Variants in FAM167A observed in about 807,000 individuals in gnomAD.
FAM167A encodes family with sequence similarity 167 member A, also known as protein FAM167A.
A neutral mutation model predicts 14.9 loss-of-function variants in FAM167A; 23 were observed. That is an observed-to-expected ratio of 1.55 (90% CI 1.11 to 2.19). The LOEUF (loss-of-function observed/expected upper bound fraction) is 2.19. FAM167A is among the 30% of genes most tolerant of loss of function. The probability of loss-of-function intolerance (pLI) is 0.00; values close to 1 mark genes in which losing one functional copy is unlikely to be tolerated. For synonymous variants in FAM167A, 174 were observed against 117.7 expected (o/e 1.48, Z -3.10); for missense variants, 401 against 281.5 (o/e 1.42, Z -3.04).
intron 1 of FAM167A, among the ~76,000 whole-genome samples, chr8:11,448,570 C>T (rs995114545): frequency 6.6e-6 from 1 of 152,246 alleles, no homozygotes; most frequent in African/African-American, 2.4e-5. Context: ...TGCCCCCTCA[C>T]ATCCTTCCCT....
chr8:11,430,633 T>C (rs996715279), intron 2 of FAM167A, among the ~76,000 whole-genome samples: 9 of 152,214 alleles, frequency 5.9e-5, no homozygotes, highest in Non-Finnish European at 1.0e-4. Context: ...AGCCAGGTTG[T>C]TTCTCAAGGT....
intron 1 of FAM167A, chr8:11,445,705 G>T: frequency 1.3e-6 from 1 of 771,136 alleles, no homozygotes; most frequent in Non-Finnish European, 1.6e-6. Context: ...AGAGACCGCA[G>T]CCTCCAGACT....
intron 2 of FAM167A, among the ~76,000 whole-genome samples, chr8:11,430,402 G>A (rs1805499775): frequency 6.6e-6 from 1 of 152,138 alleles, no homozygotes; most frequent in African/African-American, 2.4e-5. Flanking sequence ...GTTTTTTTGG[G>A]GGCAGACAAG....
At position 11,427,041 on chromosome 8, in the gene FAM167A, T is replaced by C. The variant is rs539738649; in HGVS notation, c.382-2405A>G. Among the ~76,000 whole-genome samples the C allele has an allele frequency of 2.2e-4, 33 of 152,310 alleles. No homozygotes were observed. The South Asian group carries it at 6.4e-3, about 30-fold the overall frequency. ...TCTGGGGGCCCAACACGGAAGTTCT[T>C]TGTGGGCCAATTGTGAGGGAGGTAT... is the stretch of plus-strand genomic sequence containing the variant. On this transcript the variant is annotated intron_variant, in intron 2 of 2. Transcript: ENST00000284486.
At chr8:11,446,441 G>T (rs1466256574) in intron 1 of FAM167A, 2 of 151,372 alleles carry the variant, frequency 1.3e-5, no homozygotes, top group African/African-American at 4.9e-5. Flanking sequence ...TCCCCCTGAG[G>T]AACTGGATTC....
upstream of FAM167A, among the ~76,000 whole-genome samples, chr8:11,467,918 G>C (rs912105595): frequency 6.6e-6 from 1 of 152,252 alleles, no homozygotes; most frequent in Admixed American, 6.5e-5. Context: ...AAGCTAGCGG[G>C]TGTATTAACA....
chr8:11,437,368 G>C (rs1442079593), intron 2 of FAM167A, among the ~76,000 whole-genome samples: 2 of 152,102 alleles, frequency 1.3e-5, no homozygotes, highest in African/African-American at 4.8e-5. Flanking sequence ...CCATCCCAGG[G>C]GCCCAGCAAC....
intron 1 of FAM167A, among the ~76,000 whole-genome samples, chr8:11,456,910 G>A (rs1366913588): frequency 2.1e-5 from 3 of 141,668 alleles, no homozygotes; most frequent in African/African-American, 2.7e-5. Context: ...GATTGGGTTC[G>A]GGAAGTGGGT....
intron 2 of FAM167A, among the ~76,000 whole-genome samples, chr8:11,435,801 A>C (rs1191070787): frequency 1.3e-5 from 2 of 152,190 alleles, no homozygotes; most frequent in Non-Finnish European, 2.9e-5. Flanking sequence ...ATAATAATTG[A>C]CCGTAATTAA....
At chr8:11,436,182 A>G (rs987980084) in intron 2 of FAM167A, among the ~76,000 whole-genome samples, 4 of 152,188 alleles carry the variant, frequency 2.6e-5, no homozygotes, top group African/African-American at 9.7e-5. Flanking sequence ...AGTGTTGCCA[A>G]CGTCAAAGGG....
chr8:11,463,405 C>G (rs1807618900), intron 1 of FAM167A, among the ~76,000 whole-genome samples: 1 of 152,198 alleles, frequency 6.6e-6, no homozygotes, highest in Non-Finnish European at 1.5e-5. Flanking sequence ...AGACCCTCAT[C>G]CAGAACCTTC....
intron 2 of FAM167A, among the ~76,000 whole-genome samples, chr8:11,437,446 C>T (rs982622915): frequency 1.3e-5 from 2 of 152,160 alleles, no homozygotes; most frequent in African/African-American, 4.8e-5. Context: ...AGGGATTTAT[C>T]ATTTTACAAT....
chr8:11,455,989 TTC>T (rs1403507371), intron 1 of FAM167A, among the ~76,000 whole-genome samples: 4 of 114,634 alleles, frequency 3.5e-5, no homozygotes, highest in African/African-American at 1.4e-4. Context: ...GGTGGTTGCC[TTC>T]TGGGTATGAG....
rs1368123022 is a variant in FAM167A at position 11,423,514 on chromosome 8, C to T, written c.*859G>A. 6.6e-6 allele frequency: 1 copy of T among 152,430 alleles called. No individual in the cohort carries two copies. The allele number at this position is 152,430 out of a possible 1,614,324, so 9.4% of individuals were successfully genotyped here. A position where few individuals can be genotyped will look rare whatever the true frequency, so the allele number is the denominator to read the frequency against. ...AGTAAGGTGACACCACCAGAATCCA[C>T]CAGGAGGCCCCGGTCACGCCCCTGC... On this transcript the variant is annotated 3_prime_UTR_variant, in exon 3 of 3. Coordinates refer to ENST00000284486, the MANE Select transcript of FAM167A (RefSeq NM_053279.3).
At chr8:11,450,872 T>C (rs1165510160) in intron 1 of FAM167A, among the ~76,000 whole-genome samples, 2 of 151,942 alleles carry the variant, frequency 1.3e-5, no homozygotes, top group African/African-American at 4.8e-5. Flanking sequence ...ACCACAAGTG[T>C]CCAGACATAG....
chr8:11,455,636 G>A (rs112896939), intron 1 of FAM167A, among the ~76,000 whole-genome samples: 1 of 129,560 alleles, frequency 7.7e-6, no homozygotes, highest in African/African-American at 3.1e-5. Context: ...TGCTCTGCTG[G>A]GTGTGAGTGT....
chr8:11,448,162 C>T (rs2117103669), intron 1 of FAM167A, among the ~76,000 whole-genome samples: 1 of 150,438 alleles, frequency 6.6e-6, no homozygotes, highest in Admixed American at 6.7e-5. Flanking sequence ...CTACTGCATT[C>T]CAGCCTGGGC....
chr8:11,458,491 A>G (rs1039207705), intron 1 of FAM167A, among the ~76,000 whole-genome samples: 1 of 152,148 alleles, frequency 6.6e-6, no homozygotes, highest in Non-Finnish European at 1.5e-5. Flanking sequence ...TGAAGGGACC[A>G]TGAGTCACAG....
At chr8:11,473,754 A>G (rs1004878213) in intron 1 of FAM167A, among the ~76,000 whole-genome samples, 2 of 152,186 alleles carry the variant, frequency 1.3e-5, no homozygotes, top group Non-Finnish European at 2.9e-5. Flanking sequence ...AAGAGCTACC[A>G]TGAAGTTCAC....
Sources: gnomAD v4.1 joint callset for allele counts (sites outside exome capture counted in the v4.1 genomes callset) on GRCh38, gnomAD v4.1.1 for gene constraint, MANE v1.5 for transcripts, NCBI Gene and HGNC (gene_info 2026-07-23, HGNC 2026-07-21) for gene names.